LRRC28: variants seen among roughly 807,000 people sequenced by gnomAD.
The protein encoded by LRRC28 is leucine-rich repeat-containing protein 28.
LRRC28 carries 39 observed loss-of-function variants against 45.7 expected under a neutral mutation model. The observed-to-expected ratio is 0.85, with a 90% CI of 0.66 to 1.12. The LOEUF (loss-of-function observed/expected upper bound fraction) is 1.12, where lower values mean the gene tolerates loss of function less well. Ranked by LOEUF, LRRC28 falls within the 50% of genes most tolerant of loss-of-function variation. LRRC28 has a pLI of 0.00. For missense variants in LRRC28, 435 were observed against 438.5 expected (o/e 0.99, Z 0.07); for synonymous variants, 206 against 178.8 (o/e 1.15, Z -1.22).
chr15:99,329,154 A>T (rs1382320065), intron 5 of LRRC28, among the ~76,000 whole-genome samples: 8 of 152,176 alleles, frequency 5.3e-5, no homozygotes, highest in Non-Finnish European at 1.2e-4. Context: ...CTCTTGCAAA[A>T]ACGCTGAGAT....
chr15:99,288,815 G>A (rs2082032968), intron 5 of LRRC28, among the ~76,000 whole-genome samples: 1 of 152,078 alleles, frequency 6.6e-6, no homozygotes, highest in Non-Finnish European at 1.5e-5. Context: ...AAGTAGCTTG[G>A]ACTACAGGCA....
rs184458520 is a variant in LRRC28 at position 99,328,833 on chromosome 15, C to T, written c.386-5090C>T. On this transcript the variant is annotated intron_variant, in intron 5 of 9. Coordinates refer to ENST00000301981, the MANE Select transcript of LRRC28 (RefSeq NM_144598.5). The stretch of plus-strand genomic sequence containing the variant: ...GGCTCCAGGATTTACACCAGCAGCC[C>T]GCCGGGTCCTGAGGCTTTTGATCTC... Among the ~76,000 whole-genome samples, 197 of 151,424 alleles carry T rather than the reference C, an allele frequency of 1.3e-3. 1 individual carries two copies. The highest frequency in any genetic ancestry group is 4.9e-4 in the Non-Finnish European group (33 of 67,912).
intron 6 of LRRC28, chr15:99,338,094 A>G (rs1956385738): frequency 6.6e-6 from 1 of 152,206 alleles, no homozygotes; most frequent in African/African-American, 2.4e-5. Context: ...AGGTCACTCA[A>G]GGAAGGCTTC....
At chr15:99,293,679 ATTC>A (rs2082193868) in intron 5 of LRRC28, among the ~76,000 whole-genome samples, 1 of 130,758 alleles carries the variant, frequency 7.6e-6, no homozygotes, top group African/African-American at 2.8e-5. Context: ...TGTGCTTTCT[ATTC>A]TTCTTTTCTT....
intron 8 of LRRC28, 127 bp from the exon 9 acceptor site, chr15:99,362,979 T>A: frequency 9.6e-7 from 1 of 1,042,600 alleles, no homozygotes; most frequent in Non-Finnish European, 1.4e-6. Flanking sequence ...ATCAATCAGA[T>A]AACAGAATTT....
chr15:99,357,220 C>T (rs1957070946), intron 7 of LRRC28, among the ~76,000 whole-genome samples: 2 of 152,042 alleles, frequency 1.3e-5, no homozygotes. Flanking sequence ...GCTCTCACTC[C>T]CCTCTCAGTC....
intron 5 of LRRC28, among the ~76,000 whole-genome samples, chr15:99,316,416 A>G (rs1345617028): frequency 1.3e-5 from 2 of 152,176 alleles, no homozygotes; most frequent in Non-Finnish European, 2.9e-5. Flanking sequence ...TTTGTGTGGT[A>G]GAAACCACTT....
intron 5 of LRRC28, among the ~76,000 whole-genome samples, chr15:99,301,353 C>T (rs1010521820): frequency 1.3e-5 from 2 of 152,116 alleles, no homozygotes; most frequent in African/African-American, 4.8e-5. Context: ...TTTATCTATT[C>T]TGTACTTCTT....
intron 5 of LRRC28, among the ~76,000 whole-genome samples, chr15:99,331,276 A>G (rs938961626): frequency 7.2e-5 from 11 of 152,192 alleles, no homozygotes; most frequent in African/African-American, 2.4e-4. Context: ...AGATAATGCA[A>G]TTCAGAGGTA....
intron 9 of LRRC28, among the ~76,000 whole-genome samples, chr15:99,381,904 A>T (rs1957838406): frequency 6.6e-6 from 1 of 152,216 alleles, no homozygotes; most frequent in Non-Finnish European, 1.5e-5. Context: ...TTCATCTCAG[A>T]GGGGTACCCA....
chr15:99,334,402 A>AGTGTGTGTGTGT lies in LRRC28; in HGVS notation c.592+300_592+311dup, dbSNP rs57298947. On this transcript the variant is annotated intron_variant, in intron 6 of 9. Transcript: ENST00000301981. ...ATTTCCTCAGAGAAAGGAATTAAAG[A>AGTGTGTGTGTGT]GTGTGTGTGTGTGTGTGTGTGTGTG... Among the ~76,000 whole-genome samples, 264 of 144,694 alleles carry AGTGTGTGTGTGT rather than the reference A, an allele frequency of 1.8e-3. 3 individuals carry two copies. The highest frequency in any genetic ancestry group is 5.2e-3 in the African/African-American group (204 of 39,226). 94.9% of individuals were successfully genotyped at this position (144,694 alleles called of 152,430 possible).
intron 5 of LRRC28, among the ~76,000 whole-genome samples, chr15:99,295,303 C>G (rs1486333580): frequency 6.6e-6 from 1 of 152,208 alleles, no homozygotes; most frequent in Non-Finnish European, 1.5e-5. Flanking sequence ...GGCATCAAAA[C>G]TATAACATTA....
intron 6 of LRRC28, among the ~76,000 whole-genome samples, chr15:99,351,288 C>T (rs1012415713): frequency 6.6e-6 from 1 of 152,306 alleles, no homozygotes; most frequent in Non-Finnish European, 1.5e-5. Flanking sequence ...GAAGTGTCTC[C>T]ACCACCTGTA....
intron 5 of LRRC28, among the ~76,000 whole-genome samples, chr15:99,303,485 GGT>G (rs1212907980): frequency 6.6e-6 from 1 of 152,026 alleles, no homozygotes; most frequent in African/African-American, 2.4e-5. Flanking sequence ...AAATTGATAA[GGT>G]GTTATAACAA....
chr15:99,285,029 T>A (rs984736150), intron 3 of LRRC28: 16 of 652,394 alleles, frequency 2.5e-5, no homozygotes, highest in Non-Finnish European at 4.3e-5. Context: ...TAGCCATCTC[T>A]TGGCTTTGAT....
intron 6 of LRRC28, among the ~76,000 whole-genome samples, chr15:99,342,793 G>A (rs1357475085): frequency 4.6e-5 from 7 of 152,182 alleles, no homozygotes; most frequent in African/African-American, 9.7e-5. Flanking sequence ...TAATTTAACA[G>A]TTGATGATCT....
chr15:99,381,459 T>G (rs1176218407), intron 9 of LRRC28, among the ~76,000 whole-genome samples: 1 of 152,224 alleles, frequency 6.6e-6, no homozygotes, highest in Non-Finnish European at 1.5e-5. Flanking sequence ...GTTTTTAGCT[T>G]CTTTGCGATG....
At chr15:99,324,118 C>T (rs1404641626) in intron 5 of LRRC28, among the ~76,000 whole-genome samples, 4 of 152,180 alleles carry the variant, frequency 2.6e-5, no homozygotes, top group South Asian at 2.1e-4. Flanking sequence ...CCTCAAATAG[C>T]ACTCAACCTT....
intron 5 of LRRC28, 54 bp from the exon 6 acceptor site, chr15:99,333,865 TTTTG>T: frequency 6.5e-7 from 1 of 1,533,108 alleles, no homozygotes; most frequent in Non-Finnish European, 9.0e-7. Flanking sequence ...TATTGATTCA[TTTTG>T]TTTATTTCAG....
Sources: gnomAD v4.1 joint callset for allele counts (sites outside exome capture counted in the v4.1 genomes callset) on GRCh38, gnomAD v4.1.1 for gene constraint, MANE v1.5 for transcripts, NCBI Gene and HGNC (gene_info 2026-07-23, HGNC 2026-07-21) for gene names.